SPMAP1: variants seen among roughly 807,000 people sequenced by gnomAD.
The protein encoded by SPMAP1 is uncharacterized protein C17orf98.
chr17:38,837,098 G>T, the SPMAP1 span: 3 of 1,396,148 alleles, frequency 2.1e-6, no homozygotes, highest in Non-Finnish European at 3.1e-6. Flanking sequence ...CCTTGCTATG[G>T]CCCAGGAACC....
the SPMAP1 span, among the ~76,000 whole-genome samples, chr17:38,836,518 C>A: frequency 6.6e-6 from 1 of 151,198 alleles, no homozygotes; most frequent in African/African-American, 2.4e-5. Flanking sequence ...GAGGATTGCG[C>A]AAGCCCAGGA....
At chr17:38,835,129 G>A in the SPMAP1 span, 12 of 1,548,980 alleles carry the variant, frequency 7.7e-6, no homozygotes, top group Non-Finnish European at 1.1e-5. Flanking sequence ...AACACTAAGA[G>A]TTCATCTAAA....
the SPMAP1 span, chr17:38,835,417 G>T: frequency 6.4e-7 from 1 of 1,552,340 alleles, no homozygotes; most frequent in Non-Finnish European, 8.8e-7. Context: ...TCCCCTGGGT[G>T]TGGTATGGGA....
At chr17:38,841,111 C>A in the SPMAP1 span, 8 of 1,124,022 alleles carry the variant, frequency 7.1e-6, no homozygotes, top group East Asian at 9.8e-5. Context: ...AGTGGCGGAG[C>A]CTTCTTTGTG....
At chr17:38,841,396 C>A in the SPMAP1 span, 1 of 1,613,618 alleles carries the variant, frequency 6.2e-7, no homozygotes, top group Non-Finnish European at 8.5e-7. Flanking sequence ...CCATCCCAAC[C>A]ACCGTAGCCT....
the SPMAP1 span, chr17:38,841,268 G>C: frequency 1.9e-6 from 3 of 1,614,152 alleles, no homozygotes; most frequent in Admixed American, 5.0e-5. Context: ...GTTGTAGGGC[G>C]GAATCGCCGA....
chr17:38,835,685 A>G, the SPMAP1 span, among the ~76,000 whole-genome samples: 1 of 152,202 alleles, frequency 6.6e-6, no homozygotes, highest in South Asian at 2.1e-4. Flanking sequence ...CTTGCCTCTG[A>G]CCCATGTGGA....
At chr17:38,841,106 C>G in the SPMAP1 span, 4 of 1,049,970 alleles carry the variant, frequency 3.8e-6, no homozygotes, top group Non-Finnish European at 5.6e-6. Flanking sequence ...GTGAAAGTGG[C>G]GGAGCCTTCT....
At chr17:38,840,809 G>A in the SPMAP1 span, among the ~76,000 whole-genome samples, 18 of 150,498 alleles carry the variant, frequency 1.2e-4, no homozygotes, top group East Asian at 3.3e-3. Flanking sequence ...ATAATTACAG[G>A]CTCACACCTG....
At chr17:38,836,585 CTTTTTTTTTTTT>C in the SPMAP1 span, among the ~76,000 whole-genome samples, 8 of 58,428 alleles carry the variant, frequency 1.4e-4, no homozygotes, top group African/African-American at 3.9e-4. Flanking sequence ...TTCTTTCTTT[CTTTTTTTTTTTT>C]TTTTTTTTTT....
the SPMAP1 span, among the ~76,000 whole-genome samples, chr17:38,839,413 A>G: frequency 6.7e-6 from 1 of 150,348 alleles, no homozygotes; most frequent in East Asian, 1.9e-4. Context: ...GGTTGCAGTA[A>G]GCCAAAATTA....
the SPMAP1 span, among the ~76,000 whole-genome samples, chr17:38,839,137 A>G: frequency 6.6e-6 from 1 of 150,494 alleles, no homozygotes; most frequent in Non-Finnish European, 1.5e-5. Context: ...CAAAATATGT[A>G]TACCCTATCA....
the SPMAP1 span, chr17:38,841,046 T>C: frequency 3.3e-6 from 2 of 597,134 alleles, no homozygotes; most frequent in Non-Finnish European, 5.6e-6. Flanking sequence ...TGTCTCAAAA[T>C]AATAATAATA....
chr17:38,836,793 A>G, the SPMAP1 span, among the ~76,000 whole-genome samples: 13 of 151,826 alleles, frequency 8.6e-5, no homozygotes, highest in East Asian at 2.5e-3. Context: ...ACAGGGTTCA[A>G]CCAGGTTGGC....
the SPMAP1 span, chr17:38,837,269 G>A: frequency 6.7e-7 from 1 of 1,485,480 alleles, no homozygotes; most frequent in Non-Finnish European, 9.4e-7. Flanking sequence ...AAGTGGGCAA[G>A]AACACTGTCA....
At chr17:38,836,072 G>A in the SPMAP1 span, among the ~76,000 whole-genome samples, 8 of 151,848 alleles carry the variant, frequency 5.3e-5, no homozygotes, top group African/African-American at 1.5e-4. Context: ...CTGCCACCAC[G>A]CCCGGCTAAT....
chr17:38,837,094 T>C, the SPMAP1 span: 1 of 1,357,054 alleles, frequency 7.4e-7, no homozygotes. Context: ...CAGGCCTTGC[T>C]ATGGCCCAGG....
the SPMAP1 span, among the ~76,000 whole-genome samples, chr17:38,838,218 G>C: frequency 6.6e-6 from 1 of 151,970 alleles, no homozygotes; most frequent in Non-Finnish European, 1.5e-5. Flanking sequence ...TCAGATAAAG[G>C]GCCTGGCATA....
chr17:38,837,642 C>T, the SPMAP1 span, among the ~76,000 whole-genome samples: 1 of 150,086 alleles, frequency 6.7e-6, no homozygotes, highest in Non-Finnish European at 1.5e-5. Flanking sequence ...CCTGCCATTG[C>T]ACTCCAGCCT....
Sources: gnomAD v4.1 joint callset for allele counts (sites outside exome capture counted in the v4.1 genomes callset) on GRCh38, gnomAD v4.1.1 for gene constraint, MANE v1.5 for transcripts, NCBI Gene and HGNC (gene_info 2026-07-23, HGNC 2026-07-21) for gene names.